Variants in ZBTB7C observed in about 807,000 individuals in gnomAD.
ZBTB7C encodes zinc finger and BTB domain containing 7C, also known as zinc finger and BTB domain-containing protein 7C.
In ZBTB7C, 8 loss-of-function variants were observed where a neutral mutation model predicts 25.7. The ratio of observed to expected loss-of-function variants is 0.31; its 90% confidence interval spans 0.18 to 0.56. The LOEUF is 0.56. Ranked by LOEUF, ZBTB7C falls within the 20% of genes least tolerant of loss-of-function variation. The pLI is 0.91. For missense variants in ZBTB7C, 824 were observed against 855.2 expected (o/e 0.96, Z 0.46); for synonymous variants, 394 against 369.0 (o/e 1.07, Z -0.78).
chr18:48,279,619 C>T (rs1229307911), intron 2 of ZBTB7C, among the ~76,000 whole-genome samples: 1 of 152,198 alleles, frequency 6.6e-6, no homozygotes, highest in African/African-American at 2.4e-5. Flanking sequence ...AAGGGACAAC[C>T]TCCCCAAAAT....
chr18:48,399,761 C>T (rs1341914389), intron 1 of ZBTB7C, among the ~76,000 whole-genome samples: 2 of 152,138 alleles, frequency 1.3e-5, no homozygotes, highest in Admixed American at 1.3e-4. Context: ...AGCTTCCTTC[C>T]CTCCAGAAGT....
intron 3 of ZBTB7C, among the ~76,000 whole-genome samples, chr18:48,172,602 C>T (rs997253562): frequency 1.3e-5 from 2 of 152,246 alleles, no homozygotes; most frequent in African/African-American, 2.4e-5. Flanking sequence ...TTTTCCCAAA[C>T]ACTTGACTGA....
intron 2 of ZBTB7C, among the ~76,000 whole-genome samples, chr18:48,284,900 T>C (rs1395375612): frequency 6.6e-6 from 1 of 152,134 alleles, no homozygotes; most frequent in Admixed American, 6.5e-5. Context: ...CTTGCTCTTG[T>C]CCAGCATGGA....
intron 2 of ZBTB7C, among the ~76,000 whole-genome samples, chr18:48,238,918 C>T (rs1180107667): frequency 6.6e-6 from 1 of 152,102 alleles, no homozygotes; most frequent in African/African-American, 2.4e-5. Flanking sequence ...CCCCACTCAC[C>T]GGCTGCCTGG....
At chr18:48,341,362 G>C (rs1489886137) in intron 1 of ZBTB7C, among the ~76,000 whole-genome samples, 2 of 152,230 alleles carry the variant, frequency 1.3e-5, no homozygotes, top group South Asian at 2.1e-4. Context: ...AAGGCCTGTG[G>C]CTGCATTTGG....
chr18:48,215,875 T>C (rs1383644003), intron 2 of ZBTB7C, among the ~76,000 whole-genome samples: 2 of 152,252 alleles, frequency 1.3e-5, no homozygotes, highest in Non-Finnish European at 2.9e-5. Context: ...AAATATATTT[T>C]GGGGTAAAGT....
intron 3 of ZBTB7C, among the ~76,000 whole-genome samples, chr18:48,141,153 C>CCCG (rs1195909864): frequency 9.4e-5 from 14 of 148,790 alleles, no homozygotes; most frequent in African/African-American, 3.0e-4. Flanking sequence ...ACCACCCCCC[C>CCCG]CACTGTTCCT....
intron 2 of ZBTB7C, among the ~76,000 whole-genome samples, chr18:48,272,241 T>G (rs1339983355): frequency 6.6e-6 from 1 of 152,212 alleles, no homozygotes; most frequent in East Asian, 1.9e-4. Context: ...TATCCAATGC[T>G]TTGATGGCCA....
At chr18:48,160,812 G>C (rs1459843496) in intron 3 of ZBTB7C, among the ~76,000 whole-genome samples, 2 of 152,122 alleles carry the variant, frequency 1.3e-5, no homozygotes, top group African/African-American at 4.8e-5. Context: ...CAGTCTGAGG[G>C]GGGCCAGGTG....
chr18:48,396,765 A>G (rs931609366), intron 1 of ZBTB7C, among the ~76,000 whole-genome samples: 1 of 152,226 alleles, frequency 6.6e-6, no homozygotes, highest in African/African-American at 2.4e-5. Flanking sequence ...CTTGGCCCAC[A>G]TCACACAGAG....
chr18:48,336,916 C>T (rs1031724092), intron 2 of ZBTB7C, among the ~76,000 whole-genome samples: 16 of 152,274 alleles, frequency 1.1e-4, no homozygotes, highest in Admixed American at 9.1e-4. Context: ...AGCTCCCTAG[C>T]TCAGCCCCTC....
intron 3 of ZBTB7C, among the ~76,000 whole-genome samples, chr18:48,095,718 T>TAAATAAAATAAAATAAAATAAAATA (rs74172091): frequency 7.5e-6 from 1 of 132,788 alleles, no homozygotes; most frequent in African/African-American, 2.6e-5. Flanking sequence ...TCTCAAAAAA[T>TAAATAAAATAAAATAAAATAAAATA]AAATAAAATA....
chr18:48,030,354 A>G (rs112771933), intron 4 of ZBTB7C, among the ~76,000 whole-genome samples: 1,811 of 152,178 alleles, frequency 0.012, 34 homozygotes, highest in African/African-American at 0.042. Context: ...CAGTTCATCT[A>G]TATGCTTTGG....
chr18:48,151,351 TC>T (rs1290677165), intron 3 of ZBTB7C, among the ~76,000 whole-genome samples: 3 of 152,188 alleles, frequency 2.0e-5, no homozygotes, highest in African/African-American at 7.2e-5. Flanking sequence ...CATACTGCCC[TC>T]ATATTTTGAA....
intron 2 of ZBTB7C, among the ~76,000 whole-genome samples, chr18:48,240,736 A>G (rs1163923271): frequency 6.6e-6 from 1 of 152,248 alleles, no homozygotes; most frequent in East Asian, 1.9e-4. Flanking sequence ...ACACCAAAAT[A>G]GAACCTCCTT....
chr18:48,158,988 G>T (rs1211596624), intron 3 of ZBTB7C, among the ~76,000 whole-genome samples: 1 of 152,118 alleles, frequency 6.6e-6, no homozygotes, highest in Non-Finnish European at 1.5e-5. Flanking sequence ...ACAGTGTAGG[G>T]GAAGAGGATG....
intron 3 of ZBTB7C, among the ~76,000 whole-genome samples, chr18:48,160,466 T>C (rs906825982): frequency 1.3e-5 from 2 of 152,182 alleles, no homozygotes; most frequent in African/African-American, 4.8e-5. Flanking sequence ...TAACTAGTAG[T>C]ATGATCTTGG....
In ZBTB7C at chr18:48,075,213, G is replaced by A. The variant is rs138516736; in HGVS notation, c.-16-34090C>T. On this transcript the variant is annotated intron_variant, in intron 3 of 4. Coordinates refer to ENST00000590800, the MANE Select transcript of ZBTB7C (RefSeq NM_001318841.2). ...GCTTCATCAATGTGCTGGGTAGATG[G>A]CACTGCCAAACAGCTCCTCAAGGCA... 3.9e-5 allele frequency among the ~76,000 whole-genome samples: 6 copies of A among 152,298 alleles called. No homozygotes were observed. The East Asian group carries it at 1.2e-3, about 29-fold the overall frequency.
chr18:48,153,292 G>A (rs1040648216), intron 3 of ZBTB7C, among the ~76,000 whole-genome samples: 3 of 152,232 alleles, frequency 2.0e-5, no homozygotes, highest in African/African-American at 7.2e-5. Flanking sequence ...CTTTTAGGGT[G>A]AGGATTAGCA....
Sources: gnomAD v4.1 joint callset for allele counts (sites outside exome capture counted in the v4.1 genomes callset) on GRCh38, gnomAD v4.1.1 for gene constraint, MANE v1.5 for transcripts, NCBI Gene and HGNC (gene_info 2026-07-23, HGNC 2026-07-21) for gene names.